The following ADGRA3 variants were observed in gnomAD, a reference collection of about 807,000 sequenced individuals.
ADGRA3 encodes G-protein coupled receptor 125.
A neutral mutation model predicts 119.8 loss-of-function variants in ADGRA3; 56 were observed. The observed-to-expected ratio is 0.47, with a 90% CI of 0.38 to 0.58. The LOEUF (loss-of-function observed/expected upper bound fraction) is 0.58, where lower values mean the gene tolerates loss of function less well. Among genes scored for constraint, ADGRA3 ranks in the 20% least tolerant of loss-of-function variants. The pLI, the probability that ADGRA3 is intolerant of heterozygous loss-of-function variation, is 0.00. For synonymous variants in ADGRA3, 607 were observed against 623.8 expected (o/e 0.97, Z 0.40); for missense variants, 1,516 against 1,649.0 (o/e 0.92, Z 1.40).
At chr4:22,396,175 T>C (rs1276579548) in intron 16 of ADGRA3, among the ~76,000 whole-genome samples, 1 of 152,170 alleles carries the variant, frequency 6.6e-6, no homozygotes, top group Non-Finnish European at 1.5e-5. Context: ...CTCAACTTCT[T>C]AGTTCTCCTT....
intron 1 of ADGRA3, among the ~76,000 whole-genome samples, chr4:22,481,155 C>G (rs985711401): frequency 6.6e-6 from 1 of 152,108 alleles, no homozygotes; most frequent in East Asian, 1.9e-4. Context: ...GTTATTGCTA[C>G]AACATTGTTT....
chr4:22,394,773 T>C (rs1714282624), intron 16 of ADGRA3: 1 of 152,178 alleles, frequency 6.6e-6, no homozygotes, highest in South Asian at 2.1e-4. Context: ...ACTGAAGTGT[T>C]TTCTATGGCA....
At chr4:22,497,208 A>G (rs1389720411) in intron 1 of ADGRA3, among the ~76,000 whole-genome samples, 1 of 152,182 alleles carries the variant, frequency 6.6e-6, no homozygotes, top group African/African-American at 2.4e-5. Flanking sequence ...AAAGCCATAG[A>G]AGGTGGGGGG....
intron 2 of ADGRA3, among the ~76,000 whole-genome samples, chr4:22,463,116 T>A (rs1717531385): frequency 6.6e-6 from 1 of 152,228 alleles, no homozygotes; most frequent in South Asian, 2.1e-4. Context: ...TGAAGCCATA[T>A]GGAGAACTGA....
chr4:22,447,885 A>T (rs2109081350), intron 4 of ADGRA3, among the ~76,000 whole-genome samples: 1 of 152,340 alleles, frequency 6.6e-6, no homozygotes, highest in South Asian at 2.1e-4. Context: ...ATAGAAAATA[A>T]ATAATTAAAA....
At chr4:22,396,233 G>T (rs1189011791) in intron 16 of ADGRA3, among the ~76,000 whole-genome samples, 1 of 152,080 alleles carries the variant, frequency 6.6e-6, no homozygotes, top group Non-Finnish European at 1.5e-5. Context: ...AGCACCTAAG[G>T]TCCTACCTGA....
At chr4:22,471,314 C>T (rs1009108733) in intron 2 of ADGRA3, among the ~76,000 whole-genome samples, 2 of 151,998 alleles carry the variant, frequency 1.3e-5, no homozygotes, top group Non-Finnish European at 2.9e-5. Context: ...CCTACTTGAG[C>T]GGGGAAGATG....
At chr4:22,476,092 C>CA (rs1484514248) in intron 1 of ADGRA3, among the ~76,000 whole-genome samples, 12 of 152,074 alleles carry the variant, frequency 7.9e-5, no homozygotes, top group Non-Finnish European at 1.6e-4. Context: ...ACATGGTGAC[C>CA]AAAAACATTC....
chr4:22,506,970 G>C (rs1353869207), intron 1 of ADGRA3, among the ~76,000 whole-genome samples: 3 of 152,150 alleles, frequency 2.0e-5, no homozygotes, highest in Admixed American at 1.3e-4. Flanking sequence ...AGGTGCAGTG[G>C]CTCACAGTTG....
chr4:22,445,940 A>G (rs1182181643), intron 5 of ADGRA3, among the ~76,000 whole-genome samples: 1 of 152,254 alleles, frequency 6.6e-6, no homozygotes, highest in East Asian at 1.9e-4. Flanking sequence ...TTCATGTGCC[A>G]CACATTTGCT....
chr4:22,466,523 T>C (rs1717664511), intron 2 of ADGRA3, among the ~76,000 whole-genome samples: 2 of 152,132 alleles, frequency 1.3e-5, no homozygotes, highest in Admixed American at 6.5e-5. Context: ...GATCAGGAGT[T>C]CGAGAACAGC....
chr4:22,388,960 A>G lies in ADGRA3; in HGVS notation c.2724-13T>C, dbSNP rs1221147859. The stretch of plus-strand genomic sequence containing the variant: ...TGCCATCCAGCAACTGGAAAAGAAA[A>G]TGGTAAACCAGATCGATGCTACATG... On this transcript the variant is annotated splice_polypyrimidine_tract_variant and intron_variant, in intron 18 of 18. Transcript: ENST00000334304. 5.6e-6 allele frequency: 9 copies of G among 1,610,998 alleles called. No individual in the cohort carries two copies. Among genetic ancestry groups the G allele is most frequent in the Non-Finnish European group, 6.8e-6 (8 of 1,178,336 alleles).
At chr4:22,462,083 C>T (rs990049904) in intron 2 of ADGRA3, among the ~76,000 whole-genome samples, 3 of 152,138 alleles carry the variant, frequency 2.0e-5, no homozygotes, top group African/African-American at 7.2e-5. Flanking sequence ...TTCAACTTCA[C>T]AATTATCACT....
chr4:22,497,977 A>G lies in ADGRA3; in HGVS notation c.257+17551T>C, dbSNP rs984128113. 3.7e-4 allele frequency among the ~76,000 whole-genome samples: 56 copies of G among 150,336 alleles called. No individual in the cohort carries two copies. The South Asian group carries it at 0.012, about 31-fold the overall frequency. ...AAAAAAAGGCCGGGGACAGTGGCTCACAGCTGTAATCCCAACCCTTTGGCA... is the reference window on the plus strand; with the variant it reads ...AAAAAAAGGCCGGGGACAGTGGCTCGCAGCTGTAATCCCAACCCTTTGGCA... On this transcript the variant is annotated intron_variant, in intron 1 of 18. Coordinates refer to ENST00000334304, the MANE Select transcript of ADGRA3 (RefSeq NM_145290.4).
Position 22,515,515 on chromosome 4 carries a change from G to A in ADGRA3, c.257+13C>T, listed in dbSNP as rs770590916. 3 of 1,602,816 alleles carry A rather than the reference G, an allele frequency of 1.9e-6. No individual in the cohort carries two copies. Among genetic ancestry groups the A allele is most frequent in the Non-Finnish European group, 2.6e-6 (3 of 1,174,574 alleles). ...CGAGCGGGAGAGGACCCAGCGTCGC[G>A]GGAGATACTCACAGGGTGACCGTGC... On this transcript the variant is annotated intron_variant, in intron 1 of 18. Coordinates refer to ENST00000334304, the MANE Select transcript of ADGRA3 (RefSeq NM_145290.4).
At chr4:22,440,122 T>G (rs1392450591) in intron 7 of ADGRA3, among the ~76,000 whole-genome samples, 1 of 152,166 alleles carries the variant, frequency 6.6e-6, no homozygotes, top group Admixed American at 6.5e-5. Flanking sequence ...CACGTAGCAC[T>G]TGCTTTGTAC....
intron 3 of ADGRA3, 38 bp downstream of exon 3, chr4:22,461,699 A>G (rs1717461996): frequency 7.3e-7 from 1 of 1,362,942 alleles, no homozygotes; most frequent in Non-Finnish European, 1.0e-6. Flanking sequence ...TATATAAGCA[A>G]CAATTCAAAC....
At chr4:22,395,644 T>C (rs1182666004) in intron 16 of ADGRA3, among the ~76,000 whole-genome samples, 1 of 152,176 alleles carries the variant, frequency 6.6e-6, no homozygotes, top group Non-Finnish European at 1.5e-5. Flanking sequence ...TGTCCACTAC[T>C]AAGTACTAAA....
intron 1 of ADGRA3, among the ~76,000 whole-genome samples, chr4:22,475,541 A>C (rs7678474): frequency 1 from 152,183 of 152,218 alleles, 76,074 homozygotes; most frequent in Non-Finnish European, 1. Flanking sequence ...TCCTGGCTAA[A>C]ACGGTGAAAC....
Sources: gnomAD v4.1 joint callset for allele counts (sites outside exome capture counted in the v4.1 genomes callset) on GRCh38, gnomAD v4.1.1 for gene constraint, MANE v1.5 for transcripts, NCBI Gene and HGNC (gene_info 2026-07-23, HGNC 2026-07-21) for gene names.